SLC9A6: variants seen among roughly 807,000 people sequenced by gnomAD.
SLC9A6 encodes the protein solute carrier family 9 member A6.
A neutral mutation model predicts 45.3 loss-of-function variants in SLC9A6; 6 were observed. That is an observed-to-expected ratio of 0.13 (90% confidence interval 0.07 to 0.26). The LOEUF (loss-of-function observed/expected upper bound fraction) is 0.26, where lower values mean the gene tolerates loss of function less well. Among genes scored for constraint, SLC9A6 ranks in the 10% least tolerant of loss-of-function variants. The pLI is 1.00. For missense variants in SLC9A6, 278 were observed against 503.7 expected (o/e 0.55, Z 4.29); for synonymous variants, 191 against 187.7 (o/e 1.02, Z -0.14).
chrX:135,982,426 T>C (rs1365208637), upstream of SLC9A6, among the ~76,000 whole-genome samples: 9 of 106,314 alleles, frequency 8.5e-5, no homozygotes, highest in Admixed American at 3.0e-4. Flanking sequence ...ATTGTTGGAG[T>C]AGATCCTGGA....
intron 16 of SLC9A6, among the ~76,000 whole-genome samples, chrX:136,038,722 C>G (rs1285540223): frequency 9.4e-6 from 1 of 105,889 alleles, no homozygotes; most frequent in East Asian, 2.9e-4. Context: ...ACAGGACTAT[C>G]TAGGTTTTTT....
chrX:136,031,555 C>G (rs982917057), intron 15 of SLC9A6, among the ~76,000 whole-genome samples: 8 of 111,846 alleles, frequency 7.2e-5, no homozygotes, highest in African/African-American at 2.6e-4. Flanking sequence ...CAGAAATTAG[C>G]TGGGCGTGGT....
rs17001282 is a variant in SLC9A6 at position 136,012,652 on chromosome X, T to C, written c.886-297T>C. On this transcript the variant is annotated intron_variant, in intron 8 of 17. Transcript: ENST00000630721. ...TAGAGGTGGCATGTTATAGATCTGA[T>C]CTGTTACTCCCGTCTCTATCTATCC... Among the ~76,000 whole-genome samples, 8,183 of 112,324 alleles carry C rather than the reference T, an allele frequency of 0.073. 316 individuals are homozygous for C. The highest frequency in any genetic ancestry group is 0.15 in the African/African-American group (4,507 of 30,840).
At chrX:135,987,041 G>A (rs947769901) in intron 2 of SLC9A6, among the ~76,000 whole-genome samples, 1 of 111,278 alleles carries the variant, frequency 9.0e-6, no homozygotes, top group Non-Finnish European at 1.9e-5. Context: ...CTTCTGTAAT[G>A]TGCATCTCTC....
intron 13 of SLC9A6, among the ~76,000 whole-genome samples, chrX:136,026,618 C>T: frequency 9.1e-6 from 1 of 109,811 alleles, no homozygotes; most frequent in Non-Finnish European, 1.9e-5. Context: ...TCGTTGCAAC[C>T]TCCGCCTCCC....
chrX:135,973,932 A>G (rs1343429408), upstream of SLC9A6: 1 of 1,124,108 alleles, frequency 8.9e-7, no homozygotes, highest in Non-Finnish European at 1.2e-6. Context: ...GGAGGGCCGG[A>G]GCCCAACGGA....
intron 3 of SLC9A6, among the ~76,000 whole-genome samples, chrX:135,997,850 T>G (rs1355928622): frequency 1.8e-5 from 2 of 112,026 alleles, no homozygotes; most frequent in African/African-American, 6.5e-5. Flanking sequence ...CTCAGCCTCC[T>G]GAAACATTTT....
chrX:135,985,843 C>T lies in SLC9A6; in HGVS notation c.169+16C>T. 1 of 1,209,836 alleles carries T rather than the reference C, an allele frequency of 8.3e-7. No individual in the cohort carries two copies. The highest frequency in any genetic ancestry group is 1.1e-6 in the Non-Finnish European group (1 of 895,126). On this transcript the variant is annotated intron_variant, in intron 2 of 17. Coordinates refer to ENST00000630721, the MANE Select transcript of SLC9A6 (RefSeq NM_001379110.1). ...ATGATTTATGGCAAGTTCCTCAACC[C>T]TTGTCAGCCCCTTGGCGCTGCCCCT...
chrX:136,039,829 C>T (rs1347507735), intron 16 of SLC9A6, among the ~76,000 whole-genome samples: 1 of 111,603 alleles, frequency 9.0e-6, no homozygotes, highest in Non-Finnish European at 1.9e-5. Flanking sequence ...CCATTTACCT[C>T]ATTGTGTAGC....
At chrX:136,035,807 G>A (rs1312854683) in intron 16 of SLC9A6, among the ~76,000 whole-genome samples, 23 of 111,058 alleles carry the variant, frequency 2.1e-4, no homozygotes, top group African/African-American at 6.9e-4. Context: ...AGGCTGGAAT[G>A]CAGTGGCACA....
At chrX:135,985,384 G>T, upstream of SLC9A6, 1 of 422,979 alleles carries the variant, frequency 2.4e-6, no homozygotes. Flanking sequence ...TAAGAGCGGC[G>T]GCGGCGGCGC....
At chrX:135,983,250 AATGAAC>A (rs2089295002), upstream of SLC9A6, among the ~76,000 whole-genome samples, 2 of 111,538 alleles carry the variant, frequency 1.8e-5, no homozygotes, top group African/African-American at 3.3e-5. Flanking sequence ...GCTGTGACCA[AATGAAC>A]ATGAACAACC....
At chrX:136,018,275 A>G (rs781981029) in intron 11 of SLC9A6, among the ~76,000 whole-genome samples, 1 of 111,990 alleles carries the variant, frequency 8.9e-6, no homozygotes, top group South Asian at 3.7e-4. Flanking sequence ...TGGGAGAATA[A>G]GTTGACCAAA....
intron 2 of SLC9A6, among the ~76,000 whole-genome samples, chrX:135,991,987 C>T (rs917196071): frequency 8.9e-6 from 1 of 111,746 alleles, no homozygotes; most frequent in Non-Finnish European, 1.9e-5. Context: ...CATCTTATGA[C>T]TGCACAGTGT....
At position 135,997,635 on chromosome X, in the gene SLC9A6, T is replaced by C. The variant is rs782271095; in HGVS notation, c.370-473T>C. Reference sequence around the variant, plus strand: ...GTTGGCTAGGCTGGCCTTGAACTCTTGGCTTCAGGTGATCCGCCCATCCGC... The same window carrying C: ...GTTGGCTAGGCTGGCCTTGAACTCTCGGCTTCAGGTGATCCGCCCATCCGC... On this transcript the variant is annotated intron_variant, in intron 3 of 17. Transcript: ENST00000630721. Among the ~76,000 whole-genome samples the C allele has an allele frequency of 1.2e-3, 126 of 105,034 alleles. No individual in the cohort carries two copies. The Middle Eastern group carries it at 0.024, about 20-fold the overall frequency. The allele number at this position is 105,034 out of a possible 115,157, so 91.2% of individuals were successfully genotyped here. A position where few individuals can be genotyped will look rare whatever the true frequency, so the allele number is the denominator to read the frequency against.
Position 136,002,181 on chromosome X carries a change from C to G in SLC9A6, c.711C>G (p.Val237=). The change falls in exon 7 of 18, where the codon GTC becomes GTG. Residue 237 remains valine, a synonymous_variant. Transcript: ENST00000630721. The part of the protein sequence containing the change: ...ELYALLFGES[V]LNDAVAIVLS... ...ATGCACTTCTTTTTGGTGAAAGTGT[C>G]CTCAATGATGCTGTTGCCATAGTGC... The G allele has an allele frequency of 8.3e-7, 1 of 1,200,589 alleles. No individual in the cohort carries two copies. The highest frequency in any genetic ancestry group is 1.1e-6 in the Non-Finnish European group (1 of 885,480).
At chrX:135,995,123 A>C (rs1556616315) in intron 3 of SLC9A6, 138 bp downstream of exon 3, 1 of 465,020 alleles carries the variant, frequency 2.2e-6, no homozygotes, top group Non-Finnish European at 3.7e-6. Context: ...CTCAATTAAC[A>C]AATGTAATAA....
intron 12 of SLC9A6, among the ~76,000 whole-genome samples, chrX:136,023,660 CTA>C (rs1252080795): frequency 7.3e-5 from 8 of 109,630 alleles, no homozygotes; most frequent in Non-Finnish European, 1.1e-4. Flanking sequence ...AGAGGTTAGA[CTA>C]AAAAAGGGTA....
At position 136,044,649 on chromosome X, in the gene SLC9A6, A is replaced by G. The variant is rs781995682; in HGVS notation, c.1965A>G (p.Thr655=). The change falls in exon 18 of 18, where the codon ACA becomes ACG. Residue 655 remains threonine (T), a synonymous_variant. Transcript: ENST00000630721. ...FGDHELVIRG[T]RLVLPMDDSE... ...ACCATGAACTGGTCATTCGAGGAAC[A>G]CGCCTGGTTCTTCCAATGGATGATT... is the stretch of plus-strand genomic sequence containing the variant. 1 of 1,209,690 alleles carries G rather than the reference A, an allele frequency of 8.3e-7. No individual in the cohort carries two copies. The highest frequency in any genetic ancestry group is 1.8e-5 in the South Asian group (1 of 56,920).
Sources: gnomAD v4.1 joint callset for allele counts (sites outside exome capture counted in the v4.1 genomes callset) on GRCh38, gnomAD v4.1.1 for gene constraint, MANE v1.5 for transcripts, NCBI Gene and HGNC (gene_info 2026-07-23, HGNC 2026-07-21) for gene names.